Variants in NFYC observed in about 807,000 individuals in gnomAD.
The protein encoded by NFYC is CAAT box DNA-binding protein subunit C.
Under a neutral mutation model 53.1 loss-of-function variants are expected in NFYC, and 25 were observed. The observed-to-expected ratio is 0.47, with a 90% CI of 0.34 to 0.66. The LOEUF is 0.66. Ranked by LOEUF, NFYC falls within the 30% of genes least tolerant of loss-of-function variation. The pLI, the probability that NFYC is intolerant of heterozygous loss-of-function variation, is 0.01. For missense variants in NFYC, 260 were observed against 422.7 expected (o/e 0.62, Z 3.38); for synonymous variants, 145 against 152.6 (o/e 0.95, Z 0.37).
intron 6 of NFYC, among the ~76,000 whole-genome samples, chr1:40,760,349 A>C (rs1343609470): frequency 6.6e-6 from 1 of 152,180 alleles, no homozygotes; most frequent in African/African-American, 2.4e-5. Flanking sequence ...GGAGGGTCGC[A>C]TGGGCCCGGG....
intron 2 of NFYC, among the ~76,000 whole-genome samples, chr1:40,740,826 T>G (rs1265830405): frequency 6.6e-6 from 1 of 152,072 alleles, no homozygotes; most frequent in Admixed American, 6.6e-5. Context: ...GTGCCGCAGC[T>G]TGAGCCGAGA....
At chr1:40,768,254 T>G (rs1309727708) in intron 8 of NFYC, among the ~76,000 whole-genome samples, 1 of 152,254 alleles carries the variant, frequency 6.6e-6, no homozygotes, top group Non-Finnish European at 1.5e-5. Context: ...TTCTTATCTA[T>G]GTGGAATATT....
At chr1:40,747,085 C>T (rs1372575186) in intron 2 of NFYC, among the ~76,000 whole-genome samples, 4 of 152,088 alleles carry the variant, frequency 2.6e-5, no homozygotes, top group African/African-American at 7.2e-5. Context: ...AGTGCCCCGG[C>T]GTTGCTGTTA....
chr1:40,696,003 C>A (rs1433810767), intron 1 of NFYC, among the ~76,000 whole-genome samples: 1 of 150,560 alleles, frequency 6.6e-6, no homozygotes, highest in Non-Finnish European at 1.5e-5. Context: ...AGCCCAGATT[C>A]AGACACGGAT....
intron 1 of NFYC, among the ~76,000 whole-genome samples, chr1:40,696,505 G>A (rs1643154681): frequency 6.6e-6 from 1 of 152,214 alleles, no homozygotes; most frequent in Non-Finnish European, 1.5e-5. Context: ...GACCTTGACA[G>A]GGTCACTTGG....
intron 1 of NFYC, among the ~76,000 whole-genome samples, chr1:40,709,858 A>G (rs947476774): frequency 5.3e-5 from 8 of 152,230 alleles, no homozygotes; most frequent in African/African-American, 1.9e-4. Context: ...GGCACACAGA[A>G]GCAAAACACT....
intron 1 of NFYC, among the ~76,000 whole-genome samples, chr1:40,698,794 G>A (rs1335478430): frequency 6.6e-6 from 1 of 152,140 alleles, no homozygotes; most frequent in Non-Finnish European, 1.5e-5. Flanking sequence ...TTCAATAATT[G>A]TCCTATTCTT....
chr1:40,733,331 C>G (rs541965232), intron 1 of NFYC, among the ~76,000 whole-genome samples: 1 of 151,278 alleles, frequency 6.6e-6, no homozygotes, highest in African/African-American at 2.4e-5. Flanking sequence ...GAGAATACTT[C>G]GTGGAGAGAT....
At chr1:40,755,540 C>T (rs1335447610) in intron 5 of NFYC, among the ~76,000 whole-genome samples, 3 of 152,220 alleles carry the variant, frequency 2.0e-5, no homozygotes, top group African/African-American at 7.2e-5. Context: ...CCCACTAAAG[C>T]TATTGAGTTG....
At chr1:40,751,710 GTATATC>G (rs1200924786) in intron 4 of NFYC, among the ~76,000 whole-genome samples, 1 of 152,096 alleles carries the variant, frequency 6.6e-6, no homozygotes, top group Non-Finnish European at 1.5e-5. Flanking sequence ...ACCAACTTAA[GTATATC>G]TATGTTTCCA....
chr1:40,703,635 CTG>C (rs1368226857), intron 1 of NFYC, among the ~76,000 whole-genome samples: 1 of 152,150 alleles, frequency 6.6e-6, no homozygotes, highest in African/African-American at 2.4e-5. Context: ...TTCACTGACA[CTG>C]TGGCTAAAAT....
intron 1 of NFYC, among the ~76,000 whole-genome samples, chr1:40,697,424 G>A (rs1643207644): frequency 6.6e-6 from 1 of 152,210 alleles, no homozygotes; most frequent in South Asian, 2.1e-4. Flanking sequence ...ACCAGTGTGA[G>A]GTCAGTCTTA....
chr1:40,729,069 C>A (rs1215625733), intron 1 of NFYC, among the ~76,000 whole-genome samples: 1 of 152,194 alleles, frequency 6.6e-6, no homozygotes. Context: ...GATGTGCTGT[C>A]ATCCAAGCTT....
At chr1:40,696,714 A>G (rs1174716385) in intron 1 of NFYC, among the ~76,000 whole-genome samples, 1 of 152,234 alleles carries the variant, frequency 6.6e-6, no homozygotes, top group African/African-American at 2.4e-5. Context: ...CTTAAGGTCA[A>G]TCCTGGCCTC....
At chr1:40,729,443 T>G (rs868494491) in intron 1 of NFYC, among the ~76,000 whole-genome samples, 2 of 152,330 alleles carry the variant, frequency 1.3e-5, no homozygotes, top group Middle Eastern at 3.4e-3. Context: ...CTTCATAGAA[T>G]TGAGAGTTAG....
chr1:40,756,825 A>G (rs942460150), intron 5 of NFYC, among the ~76,000 whole-genome samples: 2 of 152,220 alleles, frequency 1.3e-5, no homozygotes, highest in Non-Finnish European at 2.9e-5. Context: ...CTACCTGGGA[A>G]CGCGGGGGAT....
chr1:40,740,612 GT>G lies in NFYC; in HGVS notation c.105+1665del, dbSNP rs536746341. On this transcript the variant is annotated intron_variant, in intron 2 of 9. Coordinates refer to ENST00000447388, the MANE Select transcript of NFYC (RefSeq NM_014223.5). ...CATTGTTCCTCTTCTGCAGTCTAAG[GT>G]AGTAGTTATCTAAACTGTCTCAGAT... is the stretch of plus-strand genomic sequence containing the variant. Among the ~76,000 whole-genome samples, 133 of 152,310 alleles carry G rather than the reference GT, an allele frequency of 8.7e-4. 1 individual carries two copies. The highest frequency in any genetic ancestry group is 3.2e-3 in the African/African-American group (132 of 41,562).
chr1:40,711,058 T>A (rs1027843717), intron 1 of NFYC, among the ~76,000 whole-genome samples: 2 of 152,016 alleles, frequency 1.3e-5, no homozygotes, highest in African/African-American at 4.8e-5. Flanking sequence ...TTTACTTCCC[T>A]CCCCCCAGCA....
At position 40,758,102 on chromosome 1, in the gene NFYC, C is replaced by G. The variant is rs1480116797; in HGVS notation, c.388-19C>G. Reference sequence around the variant, plus strand: ...AGTTGGTTCTTTTCCTCTTACCTGCCTCTCTTTCCACCCAACAGGAGGAGG... The same window carrying G: ...AGTTGGTTCTTTTCCTCTTACCTGCGTCTCTTTCCACCCAACAGGAGGAGG... On this transcript the variant is annotated intron_variant, in intron 5 of 9. Transcript: ENST00000447388. 6.2e-7 allele frequency: 1 copy of G among 1,611,608 alleles called. No individual in the cohort carries two copies. The highest frequency in any genetic ancestry group is 1.1e-5 in the South Asian group (1 of 90,952).
Sources: allele counts gnomAD v4.1 joint callset (sites outside exome capture counted in the v4.1 genomes callset), GRCh38; gene constraint gnomAD v4.1.1; transcripts MANE v1.5; gene names NCBI Gene and HGNC (gene_info 2026-07-23, HGNC 2026-07-21).